SSPN: variants seen among roughly 807,000 people sequenced by gnomAD.
The protein encoded by SSPN is K-ras oncogene-associated protein.
SSPN carries 15 observed loss-of-function variants against 19.1 expected under a neutral mutation model. The ratio of observed to expected loss-of-function variants is 0.78; its 90% confidence interval spans 0.52 to 1.21. SSPN has a LOEUF of 1.21. Among genes scored for constraint, SSPN ranks in the 50% most tolerant of loss-of-function variants. The pLI, the probability that SSPN is intolerant of heterozygous loss-of-function variation, is 0.00. For missense variants in SSPN, 291 were observed against 314.0 expected, an observed-to-expected ratio of 0.93 and a Z score of 0.55; for synonymous variants, 147 against 140.3, an observed-to-expected ratio of 1.05 and a Z score of -0.34.
chr12:26,193,043 G>A (rs1170683061), upstream of SSPN, among the ~76,000 whole-genome samples: 1 of 152,100 alleles, frequency 6.6e-6, no homozygotes, highest in Non-Finnish European at 1.5e-5. Flanking sequence ...AGTACTAATA[G>A]GAATAATGGT....
At chr12:26,177,766 C>G (rs1442020484) in intron 1 of SSPN, among the ~76,000 whole-genome samples, 2 of 152,206 alleles carry the variant, frequency 1.3e-5, no homozygotes, top group Non-Finnish European at 2.9e-5. Flanking sequence ...ACATCTGCAT[C>G]TGACAGAGTG....
Position 26,232,489 on chromosome 12 carries a change from A to C in SSPN, c.*1413A>C, listed in dbSNP as rs1945244077. On this transcript the variant is annotated 3_prime_UTR_variant, in exon 3 of 3. Coordinates refer to ENST00000242729, the MANE Select transcript of SSPN (RefSeq NM_005086.5). ...TTTATCAGTATGCTTTGTTGAAAGC[A>C]GAAATTAAGATAATAATTGAGTTCA... The C allele has an allele frequency of 1.2e-5, 12 of 985,460 alleles. No individual in the cohort carries two copies. The highest frequency in any genetic ancestry group is 1.4e-5 in the Non-Finnish European group (12 of 829,916). The allele number at this position is 985,460 out of a possible 1,614,324, so 61.0% of individuals were successfully genotyped here. A position where few individuals can be genotyped will look rare whatever the true frequency, so the allele number is the denominator to read the frequency against.
upstream of SSPN, among the ~76,000 whole-genome samples, chr12:26,190,399 T>C (rs76812730): frequency 4.5e-3 from 680 of 152,340 alleles, 1 homozygote; most frequent in African/African-American, 0.015. Flanking sequence ...GCTTTCAAGA[T>C]GCATTAGCCG....
intron 1 of SSPN, chr12:26,124,204 A>C (rs1944341167): frequency 2.1e-6 from 3 of 1,461,054 alleles, no homozygotes; most frequent in Non-Finnish European, 2.9e-6. Context: ...GTCATGGAAA[A>C]GAGAAAACAG....
At chr12:26,126,997 G>A (rs866557075) in intron 1 of SSPN, among the ~76,000 whole-genome samples, 1 of 152,178 alleles carries the variant, frequency 6.6e-6, no homozygotes, top group Admixed American at 6.5e-5. Context: ...AGCCCTAAAA[G>A]CGACCTATTC....
intron 2 of SSPN, among the ~76,000 whole-genome samples, chr12:26,225,259 G>GA (rs56004062): frequency 0.99 from 150,911 of 151,950 alleles, 74,946 homozygotes; most frequent in Middle Eastern, 1. Context: ...TTACTAAGGT[G>GA]AAAAAAATAA....
intron 2 of SSPN, among the ~76,000 whole-genome samples, chr12:26,227,962 T>A (rs1343854614): frequency 6.6e-6 from 1 of 152,188 alleles, no homozygotes; most frequent in Non-Finnish European, 1.5e-5. Context: ...ATAGACAAAA[T>A]TCCCATTTTC....
At chr12:26,212,383 T>A (rs982216636) in intron 1 of SSPN, among the ~76,000 whole-genome samples, 1 of 152,200 alleles carries the variant, frequency 6.6e-6, no homozygotes, top group Non-Finnish European at 1.5e-5. Context: ...TACTTTTCTG[T>A]GATAGAATTT....
At chr12:26,193,967 T>A (rs760922519), upstream of SSPN, among the ~76,000 whole-genome samples, 1 of 152,218 alleles carries the variant, frequency 6.6e-6, no homozygotes, top group Admixed American at 6.5e-5. Context: ...CTGATGATGA[T>A]TAGTTTCTAA....
chr12:26,205,827 A>G (rs769427376), intron 1 of SSPN, among the ~76,000 whole-genome samples: 6 of 152,218 alleles, frequency 3.9e-5, no homozygotes, highest in African/African-American at 7.2e-5. Flanking sequence ...TACATGTTCA[A>G]TAAGTTTATG....
Position 26,201,029 on chromosome 12 carries a change from ATATATATATATATATAT to A in SSPN, c.279+5092_279+5108del, listed in dbSNP as rs1183764967. ...AATTTGTGTATATATATATATATAT[ATATATATATATATATAT>A]TATATATATATATTTGGAAATAAAA... On this transcript the variant is annotated intron_variant, in intron 1 of 2. Transcript: ENST00000242729. Among the ~76,000 whole-genome samples the A allele has an allele frequency of 0.011, 417 of 38,604 alleles. 7 individuals carry two copies. The East Asian group carries it at 0.17, about 16-fold the overall frequency. 25.3% of individuals were successfully genotyped at this position (38,604 alleles called of 152,430 possible).
intron 1 of SSPN, among the ~76,000 whole-genome samples, chr12:26,153,805 G>A (rs1325823102): frequency 2.0e-5 from 3 of 152,192 alleles, no homozygotes; most frequent in Non-Finnish European, 4.4e-5. Flanking sequence ...CCAATCATCA[G>A]GAATATTGTG....
In SSPN at chr12:26,231,073, C is replaced by T; in HGVS notation, c.729C>T (p.Ile243=). The part of the protein sequence containing the change: ...LTASEGPQQK[I] ...CTTCCGAAGGCCCCCAGCAAAAGAT[C>T]TAACATTCTTGCTCAAAGTTGCGAG... is the stretch of plus-strand genomic sequence containing the variant. Residue 243 remains isoleucine (I), a synonymous_variant, in exon 3 of 3, where the codon ATC becomes ATT. Transcript: ENST00000242729. 6.2e-7 allele frequency: 1 copy of T among 1,609,410 alleles called. No individual in the cohort carries two copies. The highest frequency in any genetic ancestry group is 8.5e-7 in the Non-Finnish European group (1 of 1,176,578).
Position 26,154,350 on chromosome 12 carries a change from T to C in SSPN, c.-31+32198T>C, listed in dbSNP as rs184335898. 4.2e-3 allele frequency among the ~76,000 whole-genome samples: 636 copies of C among 152,302 alleles called. 2 individuals carry two copies. Among genetic ancestry groups the C allele is most frequent in the Non-Finnish European group, 6.8e-3 (460 of 68,036 alleles). On this transcript the variant is annotated intron_variant, in intron 1 of 2. Coordinates refer to the SSPN transcript ENST00000538142. ...GCACAGAGTACCTAGCTCAGAGCCTTGCACTGAGCAACAACCTATAGATGC... is the reference window on the plus strand; with the variant it reads ...GCACAGAGTACCTAGCTCAGAGCCTCGCACTGAGCAACAACCTATAGATGC...
intron 1 of SSPN, chr12:26,179,918 G>GTTTTTT (rs1944707903): frequency 4.3e-5 from 3 of 69,040 alleles, no homozygotes; most frequent in South Asian, 5.1e-4. Flanking sequence ...ATTTAGCTAG[G>GTTTTTT]CTTTTTTTTT....
intron 2 of SSPN, among the ~76,000 whole-genome samples, chr12:26,226,306 T>A (rs1046549755): frequency 1.3e-5 from 2 of 152,058 alleles, no homozygotes; most frequent in African/African-American, 2.4e-5. Flanking sequence ...TCATAGGGCG[T>A]TTCTCATCAG....
Position 26,231,195 on chromosome 12 carries a change from T to A in SSPN, c.*119T>A. On this transcript the variant is annotated 3_prime_UTR_variant, in exon 3 of 3. Coordinates refer to ENST00000242729, the MANE Select transcript of SSPN (RefSeq NM_005086.5). ...TGACAATAAAAGTCACTCTTCTAATTGAATATTTTTATATTTTTATGAAAC... is the reference window on the plus strand; with the variant it reads ...TGACAATAAAAGTCACTCTTCTAATAGAATATTTTTATATTTTTATGAAAC... 7.7e-7 allele frequency: 1 copy of A among 1,293,034 alleles called. No homozygotes were observed. The highest frequency in any genetic ancestry group is 1.0e-6 in the Non-Finnish European group (1 of 982,594). The allele number at this position is 1,293,034 out of a possible 1,614,324, so 80.1% of individuals were successfully genotyped here. A position where few individuals can be genotyped will look rare whatever the true frequency, so the allele number is the denominator to read the frequency against.
intron 1 of SSPN, among the ~76,000 whole-genome samples, chr12:26,188,671 C>T (rs966248020): frequency 6.6e-6 from 1 of 152,156 alleles, no homozygotes; most frequent in African/African-American, 2.4e-5. Flanking sequence ...ATATCTGAAT[C>T]CAGATCACAC....
At chr12:26,133,972 A>T (rs1404160957) in intron 1 of SSPN, among the ~76,000 whole-genome samples, 1 of 152,204 alleles carries the variant, frequency 6.6e-6, no homozygotes, top group Admixed American at 6.5e-5. Context: ...CACTGAATTC[A>T]ATCACTAAGT....
Sources: allele counts gnomAD v4.1 joint callset (sites outside exome capture counted in the v4.1 genomes callset), GRCh38; gene constraint gnomAD v4.1.1; transcripts MANE v1.5; gene names NCBI Gene and HGNC (gene_info 2026-07-23, HGNC 2026-07-21).